The following BMPR1B variants were observed in gnomAD, a reference collection of about 807,000 sequenced individuals.
The protein encoded by BMPR1B is bone morphogenetic protein receptor type 1B, also known as bone morphogenetic protein receptor type-1B.
BMPR1B carries 12 observed loss-of-function variants against 59.1 expected under a neutral mutation model. The ratio of observed to expected loss-of-function variants is 0.20; its 90% CI spans 0.13 to 0.33. The LOEUF (loss-of-function observed/expected upper bound fraction) is 0.33, where lower values mean the gene tolerates loss of function less well. Ranked by LOEUF, BMPR1B falls within the 10% of genes least tolerant of loss-of-function variation. The pLI is 1.00. For missense variants in BMPR1B, 550 were observed against 610.9 expected (o/e 0.90, Z 1.05); for synonymous variants, 237 against 207.3 (o/e 1.14, Z -1.23).
chr4:94,927,500 T>TG (rs1284058094), intron 2 of BMPR1B, among the ~76,000 whole-genome samples: 1 of 152,204 alleles, frequency 6.6e-6, no homozygotes, highest in Non-Finnish European at 1.5e-5. Context: ...AAGAAACAGA[T>TG]GTTTGAGATT....
intron 12 of BMPR1B, among the ~76,000 whole-genome samples, chr4:95,153,329 G>A (rs1430875295): frequency 1.3e-5 from 2 of 152,102 alleles, no homozygotes; most frequent in African/African-American, 2.4e-5. Context: ...CGGCTAGTAA[G>A]GAAGAAATGA....
At chr4:94,964,453 A>G (rs1365326172) in intron 2 of BMPR1B, among the ~76,000 whole-genome samples, 1 of 152,136 alleles carries the variant, frequency 6.6e-6, no homozygotes, top group African/African-American at 2.4e-5. Context: ...GATACTAGCT[A>G]TAGGTTTGGC....
At chr4:95,151,898 G>A (rs542200224) in intron 11 of BMPR1B, among the ~76,000 whole-genome samples, 1 of 152,204 alleles carries the variant, frequency 6.6e-6, no homozygotes, top group African/African-American at 2.4e-5. Flanking sequence ...CTAGAAGCCT[G>A]CATTTTTAAA....
At chr4:94,835,120 T>C (rs928159214) in intron 1 of BMPR1B, among the ~76,000 whole-genome samples, 1 of 152,094 alleles carries the variant, frequency 6.6e-6, no homozygotes, top group Non-Finnish European at 1.5e-5. Context: ...TAAAGATCTT[T>C]CTATAAGGTG....
At chr4:94,968,293 G>T (rs897337097) in intron 2 of BMPR1B, among the ~76,000 whole-genome samples, 1 of 152,062 alleles carries the variant, frequency 6.6e-6, no homozygotes, top group Admixed American at 6.6e-5. Flanking sequence ...TCTCAGTGAG[G>T]CTGCACCTGG....
intron 2 of BMPR1B, among the ~76,000 whole-genome samples, chr4:94,966,057 A>G (rs2149071298): frequency 6.6e-6 from 1 of 152,318 alleles, no homozygotes; most frequent in Non-Finnish European, 1.5e-5. Flanking sequence ...GTGGCTTTGC[A>G]TACCCTTAGT....
intron 3 of BMPR1B, among the ~76,000 whole-genome samples, chr4:95,028,772 G>A (rs1007286913): frequency 2.6e-5 from 4 of 151,852 alleles, no homozygotes; most frequent in South Asian, 2.1e-4. Flanking sequence ...GAAATCTACC[G>A]TTTCTAATGC....
chr4:95,022,899 A>G (rs1047555016), intron 3 of BMPR1B, among the ~76,000 whole-genome samples: 2 of 152,214 alleles, frequency 1.3e-5, no homozygotes, highest in African/African-American at 4.8e-5. Context: ...GTTCTGTTGT[A>G]AGAAAGACTG....
chr4:94,801,789 T>G (rs932348755), intron 1 of BMPR1B, among the ~76,000 whole-genome samples: 4 of 152,190 alleles, frequency 2.6e-5, no homozygotes, highest in African/African-American at 9.6e-5. Context: ...TAGGAAACTT[T>G]CCTTATTCTT....
At chr4:94,766,877 A>G (rs1721990172) in intron 1 of BMPR1B, among the ~76,000 whole-genome samples, 1 of 152,134 alleles carries the variant, frequency 6.6e-6, no homozygotes, top group Non-Finnish European at 1.5e-5. Flanking sequence ...ACATTTCAAA[A>G]GAGCTTCCTT....
At chr4:94,987,215 C>G (rs998450072) in intron 2 of BMPR1B, among the ~76,000 whole-genome samples, 22 of 140,374 alleles carry the variant, frequency 1.6e-4, no homozygotes, top group East Asian at 1.4e-3. Context: ...TAATATATAT[C>G]ATATTATATA....
intron 3 of BMPR1B, among the ~76,000 whole-genome samples, chr4:95,099,350 A>G (rs1730657332): frequency 6.6e-6 from 1 of 152,212 alleles, no homozygotes; most frequent in Non-Finnish European, 1.5e-5. Flanking sequence ...TTGTAAATGC[A>G]TTTAAATAGC....
chr4:95,038,508 A>G (rs1178683251), intron 3 of BMPR1B, among the ~76,000 whole-genome samples: 1 of 152,196 alleles, frequency 6.6e-6, no homozygotes, highest in Non-Finnish European at 1.5e-5. Flanking sequence ...AGATAATGTT[A>G]TGCAACCAAT....
intron 3 of BMPR1B, among the ~76,000 whole-genome samples, chr4:95,072,007 A>G (rs1728343408): frequency 2.0e-5 from 3 of 152,116 alleles, no homozygotes; most frequent in Admixed American, 2.0e-4. Context: ...AAGTCCCAAG[A>G]TCTGCACTTG....
At chr4:94,990,270 G>A (rs1207041245) in intron 2 of BMPR1B, among the ~76,000 whole-genome samples, 2 of 152,168 alleles carry the variant, frequency 1.3e-5, no homozygotes, top group South Asian at 2.1e-4. Context: ...CAGGAGAATC[G>A]CTTGAACCTG....
At position 95,052,038 on chromosome 4, in the gene BMPR1B, T is replaced by C. The variant is rs2149189726; in HGVS notation, c.-17-52370T>C. Among the ~76,000 whole-genome samples the C allele has an allele frequency of 1.3e-5, 2 of 152,340 alleles. 1 individual carries two copies. Among genetic ancestry groups the C allele is most frequent in the South Asian group, 4.1e-4 (2 of 4,822 alleles). ...ATTAAATACAATTAAACTTGGAACT[T>C]TAGGAAATTCATTCTCAATATACTG... On this transcript the variant is annotated intron_variant, in intron 3 of 12. Coordinates refer to ENST00000515059, the MANE Select transcript of BMPR1B (RefSeq NM_001203.3).
intron 1 of BMPR1B, among the ~76,000 whole-genome samples, chr4:94,780,558 A>G (rs1281885072): frequency 2.0e-5 from 3 of 152,016 alleles, no homozygotes; most frequent in Non-Finnish European, 4.4e-5. Context: ...GGTGGGTCAT[A>G]TGATAACTCT....
chr4:95,140,379 A>G (rs1358008454), intron 10 of BMPR1B, among the ~76,000 whole-genome samples: 4 of 152,164 alleles, frequency 2.6e-5, no homozygotes, highest in Admixed American at 2.0e-4. Flanking sequence ...TTCTAATCTT[A>G]CATTCTACAA....
intron 3 of BMPR1B, chr4:95,103,611 TAAG>T (rs1443552430): frequency 2.6e-5 from 12 of 470,578 alleles, no homozygotes; most frequent in African/African-American, 1.5e-4. Context: ...ATTTTAAGGA[TAAG>T]AACATGAGTC....
Sources: gnomAD v4.1 joint callset for allele counts (sites outside exome capture counted in the v4.1 genomes callset) on GRCh38, gnomAD v4.1.1 for gene constraint, MANE v1.5 for transcripts, NCBI Gene and HGNC (gene_info 2026-07-23, HGNC 2026-07-21) for gene names.